The following CIMIP2A variants were observed in gnomAD, a reference collection of about 807,000 sequenced individuals.
CIMIP2A encodes the protein family with sequence similarity 166 member A.
the CIMIP2A span, chr9:137,244,819 G>A: frequency 6.3e-7 from 1 of 1,577,386 alleles, no homozygotes. Flanking sequence ...GACGTGTCAG[G>A]GAAGCCAGGC....
the CIMIP2A span, among the ~76,000 whole-genome samples, chr9:137,249,646 G>A: frequency 6.6e-6 from 1 of 152,202 alleles, no homozygotes; most frequent in Non-Finnish European, 1.5e-5. Flanking sequence ...GGGCAGGAAT[G>A]CTGACATCAG....
the CIMIP2A span, chr9:137,244,046 C>G: frequency 1.8e-6 from 2 of 1,087,320 alleles, no homozygotes; most frequent in Admixed American, 3.8e-5. Context: ...CTACCCCAAC[C>G]AAGGTGGGAC....
At chr9:137,246,178 T>C in the CIMIP2A span, among the ~76,000 whole-genome samples, 5 of 152,218 alleles carry the variant, frequency 3.3e-5, no homozygotes, top group African/African-American at 1.2e-4. Context: ...TGCTCTGCCC[T>C]GGCAAAGCAA....
chr9:137,243,832 G>A, the CIMIP2A span: 1 of 1,590,476 alleles, frequency 6.3e-7, no homozygotes, highest in South Asian at 1.1e-5. Context: ...TATGTGCCCA[G>A]GACCAGCATG....
chr9:137,245,603 C>T, the CIMIP2A span: 5 of 1,613,192 alleles, frequency 3.1e-6, no homozygotes, highest in Admixed American at 8.3e-5. Context: ...GGCAGGCGGG[C>T]ACAGGAGGGT....
chr9:137,249,954 G>A, the CIMIP2A span, among the ~76,000 whole-genome samples: 294 of 152,230 alleles, frequency 1.9e-3, 3 homozygotes, highest in East Asian at 0.017. Context: ...CCAGGCTTGC[G>A]ACTGGTGTGT....
the CIMIP2A span, chr9:137,245,042 TGTG>T: frequency 2.5e-6 from 4 of 1,609,250 alleles, no homozygotes; most frequent in Non-Finnish European, 2.5e-6. Context: ...GCAAGAACCT[TGTG>T]GGGAGGGGCG....
chr9:137,244,128 A>C, the CIMIP2A span: 2 of 1,586,418 alleles, frequency 1.3e-6, no homozygotes, highest in South Asian at 2.2e-5. Flanking sequence ...CCCTCCCCAC[A>C]TTGGCCGGGG....
At chr9:137,251,100 T>G in the CIMIP2A span, 1 of 590,526 alleles carries the variant, frequency 1.7e-6, no homozygotes, top group East Asian at 3.0e-5. Flanking sequence ...AGGCTGGGGG[T>G]CCTGGCCCAG....
At chr9:137,252,437 A>G in the CIMIP2A span, 2 of 1,609,398 alleles carry the variant, frequency 1.2e-6, no homozygotes, top group Admixed American at 3.4e-5. Context: ...CCAACTACAG[A>G]GGGCGGTGGC....
chr9:137,251,432 C>A, the CIMIP2A span: 1 of 1,489,468 alleles, frequency 6.7e-7, no homozygotes, highest in Non-Finnish European at 9.3e-7. Flanking sequence ...GGCGGGCCAG[C>A]TGGGAGTGGC....
the CIMIP2A span, among the ~76,000 whole-genome samples, chr9:137,254,881 T>C: frequency 6.6e-6 from 1 of 152,064 alleles, no homozygotes; most frequent in African/African-American, 2.4e-5. Flanking sequence ...GATCTCAGTT[T>C]TGGCGACAGC....
At chr9:137,247,292 T>G in the CIMIP2A span, among the ~76,000 whole-genome samples, 1 of 152,072 alleles carries the variant, frequency 6.6e-6, no homozygotes, top group African/African-American at 2.4e-5. Flanking sequence ...TCTCAAAAAA[T>G]AAATAAATAA....
At chr9:137,251,415 G>A in the CIMIP2A span, 4 of 1,579,560 alleles carry the variant, frequency 2.5e-6, no homozygotes, top group Non-Finnish European at 3.5e-6. Flanking sequence ...CGGAGAGGGG[G>A]AGAAGGGGCG....
At chr9:137,247,778 G>C in the CIMIP2A span, 1 of 1,533,034 alleles carries the variant, frequency 6.5e-7, no homozygotes, top group South Asian at 1.1e-5. Flanking sequence ...CTTCCCTGAG[G>C]GGAGTCCTGT....
At chr9:137,245,225 C>A in the CIMIP2A span, 1 of 1,578,308 alleles carries the variant, frequency 6.3e-7, no homozygotes, top group Non-Finnish European at 8.6e-7. Flanking sequence ...ACAGCTGGAG[C>A]GGGGAGGAAG....
chr9:137,243,692 A>G, the CIMIP2A span: 4 of 1,614,084 alleles, frequency 2.5e-6, no homozygotes, highest in South Asian at 4.4e-5. Context: ...ACCACCATTA[A>G]AGCATTTTCA....
At chr9:137,245,764 T>C in the CIMIP2A span, 1 of 1,572,188 alleles carries the variant, frequency 6.4e-7, no homozygotes, top group Middle Eastern at 1.7e-4. Flanking sequence ...GGGGCTCTTC[T>C]GCACACTGGG....
chr9:137,244,488 G>A, the CIMIP2A span: 2 of 1,495,740 alleles, frequency 1.3e-6, no homozygotes, highest in South Asian at 1.3e-5. Flanking sequence ...AGGGGTTGGG[G>A]CGGCACCTCC....
Sources: gnomAD v4.1 joint callset for allele counts (sites outside exome capture counted in the v4.1 genomes callset) on GRCh38, gnomAD v4.1.1 for gene constraint, MANE v1.5 for transcripts, NCBI Gene and HGNC (gene_info 2026-07-23, HGNC 2026-07-21) for gene names.